Variants in SNTG1 observed in about 807,000 individuals in gnomAD.
The protein encoded by SNTG1 is gamma-1-syntrophin.
SNTG1 carries 39 observed loss-of-function variants against 74.7 expected under a neutral mutation model. The observed-to-expected ratio is 0.52, with a 90% CI of 0.40 to 0.68. SNTG1 has a LOEUF of 0.68. Among genes scored for constraint, SNTG1 ranks in the 30% least tolerant of loss-of-function variants. SNTG1 has a pLI of 0.00. For synonymous variants in SNTG1, 254 were observed against 217.1 expected (o/e 1.17, Z -1.49); for missense variants, 685 against 609.5 (o/e 1.12, Z -1.30).
At chr8:50,399,278 C>A (rs568051566) in intron 3 of SNTG1, among the ~76,000 whole-genome samples, 1 of 152,048 alleles carries the variant, frequency 6.6e-6, no homozygotes, top group African/African-American at 2.4e-5. Context: ...TTATTTTCTG[C>A]AACTCTTGTC....
At chr8:49,974,203 A>T (rs1811976141) in intron 1 of SNTG1, among the ~76,000 whole-genome samples, 1 of 152,202 alleles carries the variant, frequency 6.6e-6, no homozygotes, top group Admixed American at 6.6e-5. Context: ...AGCCCGATAA[A>T]ATTAATTCCC....
intron 2 of SNTG1, among the ~76,000 whole-genome samples, chr8:50,327,796 T>C (rs1485035142): frequency 6.6e-6 from 1 of 152,150 alleles, no homozygotes; most frequent in Non-Finnish European, 1.5e-5. Context: ...TGCTTCCATT[T>C]ACTCTCCATT....
chr8:50,282,347 C>T (rs1259979233), intron 2 of SNTG1, among the ~76,000 whole-genome samples: 1 of 149,162 alleles, frequency 6.7e-6, no homozygotes, highest in Non-Finnish European at 1.5e-5. Flanking sequence ...AAGCCCCTCT[C>T]ACGTTTATTC....
chr8:50,759,573 C>T (rs993539910), intron 18 of SNTG1, among the ~76,000 whole-genome samples: 1 of 151,990 alleles, frequency 6.6e-6, no homozygotes, highest in African/African-American at 2.4e-5. Flanking sequence ...GGAATCCCTT[C>T]CCCATTGCTT....
At chr8:49,953,512 T>C (rs1809908214) in intron 1 of SNTG1, among the ~76,000 whole-genome samples, 1 of 152,208 alleles carries the variant, frequency 6.6e-6, no homozygotes, top group Non-Finnish European at 1.5e-5. Context: ...TGGGGAGTCA[T>C]CTGAAGATGC....
At chr8:50,689,747 A>G (rs1315709092) in intron 15 of SNTG1, among the ~76,000 whole-genome samples, 3 of 152,142 alleles carry the variant, frequency 2.0e-5, no homozygotes, top group Non-Finnish European at 4.4e-5. Flanking sequence ...TGGTATCAGG[A>G]TGATGCTGGC....
intron 1 of SNTG1, among the ~76,000 whole-genome samples, chr8:49,928,139 A>C (rs937481169): frequency 2.8e-5 from 3 of 107,716 alleles, no homozygotes; most frequent in African/African-American, 1.0e-4. Flanking sequence ...ACTCTGTCTC[A>C]AAAAATAATA....
At chr8:50,180,135 G>A (rs980677914) in intron 2 of SNTG1, among the ~76,000 whole-genome samples, 2 of 152,162 alleles carry the variant, frequency 1.3e-5, no homozygotes, top group Non-Finnish European at 2.9e-5. Context: ...CAACAACATT[G>A]TTGAGCCTGG....
intron 18 of SNTG1, among the ~76,000 whole-genome samples, chr8:50,778,628 G>A (rs1302315611): frequency 4.9e-4 from 63 of 128,334 alleles, no homozygotes; most frequent in Non-Finnish European, 8.1e-4. Context: ...AGTAGGTTGC[G>A]AAAATTTTCT....
At chr8:50,410,334 G>A (rs1482592932) in intron 4 of SNTG1, among the ~76,000 whole-genome samples, 1 of 152,096 alleles carries the variant, frequency 6.6e-6, no homozygotes, top group Non-Finnish European at 1.5e-5. Context: ...TGTCAACATG[G>A]AGATTGGAGT....
intron 2 of SNTG1, among the ~76,000 whole-genome samples, chr8:50,359,852 C>T (rs745310355): frequency 2.0e-5 from 3 of 152,068 alleles, no homozygotes; most frequent in Non-Finnish European, 2.9e-5. Flanking sequence ...CACATTTAAG[C>T]TTCTAGTTTT....
In SNTG1 at chr8:50,625,989, A is replaced by G. The variant is rs564433103; in HGVS notation, c.850-30920A>G. ...TGGTGGTGGATTTTTTTACACAGCC[A>G]AAAGATACACACATGGCTTCAAACC... On this transcript the variant is annotated intron_variant, in intron 13 of 18. Coordinates refer to ENST00000642720, the MANE Select transcript of SNTG1 (RefSeq NM_018967.5). Among the ~76,000 whole-genome samples, 6 of 152,302 alleles carry G rather than the reference A, an allele frequency of 3.9e-5. No homozygotes were observed. In the South Asian group the frequency reaches 1.0e-3, roughly 26 times the overall value.
intron 2 of SNTG1, among the ~76,000 whole-genome samples, chr8:50,353,420 AC>A (rs1342655968): frequency 1.3e-5 from 2 of 152,060 alleles, no homozygotes; most frequent in Non-Finnish European, 2.9e-5. Context: ...AAAAAAGAAC[AC>A]TTTTAGCATT....
chr8:49,994,203 C>T (rs1475403610), intron 1 of SNTG1, among the ~76,000 whole-genome samples: 1 of 151,278 alleles, frequency 6.6e-6, no homozygotes, highest in Non-Finnish European at 1.5e-5. Flanking sequence ...TTCTTCTTTC[C>T]TATTATCCAC....
chr8:50,412,752 A>C (rs1310658167), intron 4 of SNTG1, among the ~76,000 whole-genome samples: 1 of 152,212 alleles, frequency 6.6e-6, no homozygotes, highest in Non-Finnish European at 1.5e-5. Flanking sequence ...AAAGCAGACA[A>C]AAAGTGTATG....
chr8:49,963,665 G>C (rs957387412), intron 1 of SNTG1, among the ~76,000 whole-genome samples: 1 of 152,082 alleles, frequency 6.6e-6, no homozygotes, highest in Non-Finnish European at 1.5e-5. Flanking sequence ...ACAGGTTGAG[G>C]TTTCCTTTAC....
At chr8:50,090,319 T>C (rs2079674354) in intron 1 of SNTG1, among the ~76,000 whole-genome samples, 3 of 152,186 alleles carry the variant, frequency 2.0e-5, no homozygotes, top group South Asian at 4.1e-4. Context: ...GCTGGGTCTA[T>C]GCCCATCTTA....
intron 17 of SNTG1, among the ~76,000 whole-genome samples, chr8:50,746,619 A>C (rs976641158): frequency 7.9e-5 from 12 of 151,834 alleles, no homozygotes; most frequent in Non-Finnish European, 1.6e-4. Context: ...AAAAGACATT[A>C]GGTTAAAACT....
chr8:50,187,911 T>A (rs758109508), intron 2 of SNTG1, among the ~76,000 whole-genome samples: 1 of 152,078 alleles, frequency 6.6e-6, no homozygotes, highest in East Asian at 1.9e-4. Flanking sequence ...AGTGGTTCCA[T>A]GTTAGCAGGG....
Sources: gnomAD v4.1 joint callset for allele counts (sites outside exome capture counted in the v4.1 genomes callset) on GRCh38, gnomAD v4.1.1 for gene constraint, MANE v1.5 for transcripts, NCBI Gene and HGNC (gene_info 2026-07-23, HGNC 2026-07-21) for gene names.